The following KCNIP4 variants were observed in gnomAD, a reference collection of about 807,000 sequenced individuals.
KCNIP4 encodes the protein Kv channel-interacting protein 4.
Under a neutral mutation model 34.0 loss-of-function variants are expected in KCNIP4, and 12 were observed. The ratio of observed to expected loss-of-function variants is 0.35; its 90% CI spans 0.23 to 0.57. The LOEUF (loss-of-function observed/expected upper bound fraction) is 0.57, where lower values mean the gene tolerates loss of function less well. KCNIP4 is among the 20% of genes least tolerant of loss of function. The pLI, the probability that KCNIP4 is intolerant of heterozygous loss-of-function variation, is 0.83. For synonymous variants in KCNIP4, 124 were observed against 102.2 expected (o/e 1.21, Z -1.29); for missense variants, 238 against 311.7 (o/e 0.76, Z 1.78).
intron 1 of KCNIP4, among the ~76,000 whole-genome samples, chr4:21,135,404 C>T (rs533141793): frequency 5.3e-5 from 8 of 152,140 alleles, no homozygotes; most frequent in Non-Finnish European, 1.0e-4. Context: ...TGCAAAGCAT[C>T]CCCATTTTTG....
At chr4:21,030,651 T>A (rs929582226) in intron 1 of KCNIP4, among the ~76,000 whole-genome samples, 1 of 152,162 alleles carries the variant, frequency 6.6e-6, no homozygotes, top group Non-Finnish European at 1.5e-5. Context: ...TAACTAGAAG[T>A]GTTCAGGACT....
At chr4:21,384,048 C>T (rs1721785985) in intron 1 of KCNIP4, among the ~76,000 whole-genome samples, 1 of 152,092 alleles carries the variant, frequency 6.6e-6, no homozygotes, top group Non-Finnish European at 1.5e-5. Context: ...GAGCTCAGTC[C>T]TACCTCACAG....
At chr4:21,673,815 T>A (rs1048244023) in intron 1 of KCNIP4, among the ~76,000 whole-genome samples, 1 of 152,192 alleles carries the variant, frequency 6.6e-6, no homozygotes, top group Non-Finnish European at 1.5e-5. Context: ...GATTTCAGGA[T>A]AAGTATTAAA....
At chr4:21,438,713 T>C (rs912043083) in intron 1 of KCNIP4, among the ~76,000 whole-genome samples, 6 of 152,238 alleles carry the variant, frequency 3.9e-5, no homozygotes, top group African/African-American at 1.4e-4. Context: ...TAAGTTCATT[T>C]ACATAATCAT....
chr4:21,362,657 C>T (rs1180623758), intron 1 of KCNIP4, among the ~76,000 whole-genome samples: 1 of 152,098 alleles, frequency 6.6e-6, no homozygotes, highest in Non-Finnish European at 1.5e-5. Flanking sequence ...TTTGTCCTCC[C>T]CTGCACAAAT....
chr4:20,954,374 C>T (rs1017024242), intron 1 of KCNIP4, among the ~76,000 whole-genome samples: 2 of 152,146 alleles, frequency 1.3e-5, no homozygotes, highest in African/African-American at 4.8e-5. Context: ...GTGAACATTA[C>T]ATTAGTGTTT....
intron 1 of KCNIP4, among the ~76,000 whole-genome samples, chr4:21,712,371 G>A (rs1314331157): frequency 2.0e-5 from 3 of 152,148 alleles, no homozygotes; most frequent in Admixed American, 6.5e-5. Context: ...TCTGTACAGT[G>A]TCTCCTCGTG....
chr4:21,513,856 C>A (rs1278170710), intron 1 of KCNIP4, among the ~76,000 whole-genome samples: 2 of 152,148 alleles, frequency 1.3e-5, no homozygotes, highest in Non-Finnish European at 2.9e-5. Flanking sequence ...TTAGTCCACT[C>A]TGTTGGGTCT....
chr4:21,779,912 T>C (rs1307833549), intron 1 of KCNIP4, among the ~76,000 whole-genome samples: 5 of 139,022 alleles, frequency 3.6e-5, no homozygotes, highest in East Asian at 4.1e-4. Context: ...GCCTAAGCAA[T>C]AGAGTAAGAT....
intron 1 of KCNIP4, among the ~76,000 whole-genome samples, chr4:21,410,752 T>C (rs528255024): frequency 1.3e-5 from 2 of 152,360 alleles, no homozygotes; most frequent in East Asian, 1.9e-4. Flanking sequence ...TAATGAGTTA[T>C]GTGGTACTTA....
At chr4:21,497,054 C>A (rs1224246463) in intron 1 of KCNIP4, among the ~76,000 whole-genome samples, 2 of 152,086 alleles carry the variant, frequency 1.3e-5, no homozygotes, top group Non-Finnish European at 2.9e-5. Flanking sequence ...GATTTCAATC[C>A]ATTTTTTATA....
intron 1 of KCNIP4, among the ~76,000 whole-genome samples, chr4:21,186,845 T>A (rs1338635029): frequency 3.3e-5 from 5 of 152,068 alleles, no homozygotes; most frequent in Non-Finnish European, 4.4e-5. Context: ...GACAGAGTCT[T>A]ACTATGTTGC....
At chr4:21,241,519 A>C (rs1415778824) in intron 1 of KCNIP4, among the ~76,000 whole-genome samples, 1 of 152,152 alleles carries the variant, frequency 6.6e-6, no homozygotes, top group East Asian at 1.9e-4. Context: ...AAACATAGAA[A>C]GGGGCTCATC....
At chr4:20,821,526 T>G (rs548619702) in intron 3 of KCNIP4, among the ~76,000 whole-genome samples, 1 of 152,286 alleles carries the variant, frequency 6.6e-6, no homozygotes, top group African/African-American at 2.4e-5. Flanking sequence ...AGGTGGTTTT[T>G]TGTTACATGG....
chr4:20,849,055 T>C (rs772023182), intron 3 of KCNIP4, among the ~76,000 whole-genome samples: 2 of 152,170 alleles, frequency 1.3e-5, no homozygotes, highest in African/African-American at 4.8e-5. Context: ...CACTGCAGAA[T>C]AGGCATAACT....
At chr4:21,522,098 A>G (rs1399693108) in intron 1 of KCNIP4, among the ~76,000 whole-genome samples, 2 of 152,128 alleles carry the variant, frequency 1.3e-5, no homozygotes, top group African/African-American at 4.8e-5. Context: ...ATAGAGGCAA[A>G]TAAGTTGACA....
At position 20,824,547 on chromosome 4, in the gene KCNIP4, G is replaced by A. The variant is rs189665688; in HGVS notation, c.288+25996C>T. Among the ~76,000 whole-genome samples the A allele has an allele frequency of 4.1e-4, 63 of 152,166 alleles. 1 individual carries two copies. The highest frequency in any genetic ancestry group is 1.4e-3 in the Admixed American group (21 of 15,288). ...ATACAAAAATTAGCCGGGCGTGGTG[G>A]CATGTGCCTGTAGTCTCAGCTATTT... On this transcript the variant is annotated intron_variant, in intron 3 of 8. Transcript: ENST00000382152.
intron 1 of KCNIP4, among the ~76,000 whole-genome samples, chr4:20,915,035 C>G (rs368331331): frequency 1.3e-5 from 2 of 152,132 alleles, no homozygotes; most frequent in Non-Finnish European, 1.5e-5. Flanking sequence ...AGAAGAAAAA[C>G]AAGTTCTATC....
chr4:21,496,217 G>T (rs1732838633), intron 1 of KCNIP4, among the ~76,000 whole-genome samples: 1 of 152,138 alleles, frequency 6.6e-6, no homozygotes, highest in Non-Finnish European at 1.5e-5. Context: ...TGAGACTACA[G>T]GTAATTAGAG....
Sources: gnomAD v4.1 joint callset for allele counts (sites outside exome capture counted in the v4.1 genomes callset) on GRCh38, gnomAD v4.1.1 for gene constraint, MANE v1.5 for transcripts, NCBI Gene and HGNC (gene_info 2026-07-23, HGNC 2026-07-21) for gene names.